Variants in SLC35F4 observed in about 807,000 individuals in gnomAD.
SLC35F4 encodes the protein solute carrier family 35 member F4, also known as chromosome 14 open reading frame 36.
Under a neutral mutation model 44.2 loss-of-function variants are expected in SLC35F4, and 24 were observed. The observed-to-expected ratio is 0.54, with a 90% CI of 0.39 to 0.76. SLC35F4 has a LOEUF of 0.76. SLC35F4 is among the 30% of genes least tolerant of loss of function. The pLI is 0.00. For missense variants in SLC35F4, 562 were observed against 586.1 expected (o/e 0.96, Z 0.42); for synonymous variants, 238 against 223.6 (o/e 1.06, Z -0.57).
chr14:57,892,129 G>A (rs1044558845), intron 1 of SLC35F4, among the ~76,000 whole-genome samples: 19 of 152,156 alleles, frequency 1.2e-4, no homozygotes, highest in Non-Finnish European at 4.4e-5. Flanking sequence ...TTTTAGAGGT[G>A]TTTCTCACAT....
chr14:57,849,225 A>T (rs1886321587), intron 1 of SLC35F4, among the ~76,000 whole-genome samples: 1 of 152,200 alleles, frequency 6.6e-6, no homozygotes, highest in African/African-American at 2.4e-5. Flanking sequence ...CAGTGGCATG[A>T]TCTCGAGCTC....
At chr14:57,714,726 T>C (rs1233339522) in intron 1 of SLC35F4, among the ~76,000 whole-genome samples, 3 of 152,172 alleles carry the variant, frequency 2.0e-5, no homozygotes, top group African/African-American at 7.2e-5. Context: ...CAGTGGGGAA[T>C]GTGACACCTA....
At chr14:57,976,509 A>C (rs1881223466), downstream of SLC35F4, among the ~76,000 whole-genome samples, 1 of 152,224 alleles carries the variant, frequency 6.6e-6, no homozygotes, top group Non-Finnish European at 1.5e-5. Flanking sequence ...AATCAGAAAC[A>C]ATGTCACATC....
chr14:57,832,888 G>C (rs753274912), intron 1 of SLC35F4, among the ~76,000 whole-genome samples: 1 of 152,132 alleles, frequency 6.6e-6, no homozygotes, highest in Admixed American at 6.5e-5. Flanking sequence ...AGAAAACGTG[G>C]TGAAATATTT....
At chr14:57,973,272 T>A (rs1183689130), downstream of SLC35F4, among the ~76,000 whole-genome samples, 2 of 152,186 alleles carry the variant, frequency 1.3e-5, no homozygotes, top group Non-Finnish European at 2.9e-5. Flanking sequence ...GAATAATTGG[T>A]CTTTATGTAA....
At chr14:57,642,835 C>T (rs1187416156) in intron 1 of SLC35F4, among the ~76,000 whole-genome samples, 1 of 151,882 alleles carries the variant, frequency 6.6e-6, no homozygotes, top group African/African-American at 2.4e-5. Flanking sequence ...AAAAAAATGT[C>T]AATTTAAATA....
At chr14:57,767,170 A>G (rs2077255211) in intron 1 of SLC35F4, among the ~76,000 whole-genome samples, 1 of 152,200 alleles carries the variant, frequency 6.6e-6, no homozygotes, top group South Asian at 2.1e-4. Flanking sequence ...TCACTAACTG[A>G]TAGAAGTACT....
intron 5 of SLC35F4, among the ~76,000 whole-genome samples, chr14:57,571,254 C>T (rs1175172092): frequency 1.3e-5 from 2 of 152,234 alleles, no homozygotes; most frequent in African/African-American, 4.8e-5. Flanking sequence ...AAGTCAGGTG[C>T]AATGACTCCG....
chr14:57,872,991 G>A (rs1787345563), intron 1 of SLC35F4, among the ~76,000 whole-genome samples: 2 of 152,164 alleles, frequency 1.3e-5, no homozygotes. Context: ...TTTTGAATGG[G>A]AAGCCAAGTG....
At chr14:57,934,614 G>T (rs547327806) in intron 1 of SLC35F4, among the ~76,000 whole-genome samples, 18 of 152,036 alleles carry the variant, frequency 1.2e-4, no homozygotes, top group Middle Eastern at 3.4e-3. Context: ...GGCCAGAAAG[G>T]CTGCATAGAG....
At chr14:57,833,641 C>T (rs1376636613) in intron 1 of SLC35F4, among the ~76,000 whole-genome samples, 1 of 152,210 alleles carries the variant, frequency 6.6e-6, no homozygotes, top group African/African-American at 2.4e-5. Context: ...CAGGAGGATA[C>T]ACCGGAGTTA....
At chr14:57,665,849 G>A (rs1265326203) in intron 1 of SLC35F4, among the ~76,000 whole-genome samples, 1 of 152,178 alleles carries the variant, frequency 6.6e-6, no homozygotes, top group Non-Finnish European at 1.5e-5. Context: ...GGAGCTGGCG[G>A]CCATTCTCCT....
At chr14:57,854,703 ACTCACTGG>A (rs1204550155) in intron 1 of SLC35F4, among the ~76,000 whole-genome samples, 3 of 152,238 alleles carry the variant, frequency 2.0e-5, no homozygotes, top group African/African-American at 7.2e-5. Context: ...CCATTCTGCC[ACTCACTGG>A]CTGTCGATTT....
At chr14:57,762,808 C>T (rs1312901209) in intron 1 of SLC35F4, among the ~76,000 whole-genome samples, 1 of 152,126 alleles carries the variant, frequency 6.6e-6, no homozygotes, top group Non-Finnish European at 1.5e-5. Flanking sequence ...TCACCAGATG[C>T]AGCCCCTTGA....
At chr14:57,741,586 T>C (rs977488554) in intron 1 of SLC35F4, among the ~76,000 whole-genome samples, 11 of 152,144 alleles carry the variant, frequency 7.2e-5, no homozygotes, top group African/African-American at 2.4e-4. Context: ...AATGAGACTA[T>C]GTAAAAAGAC....
At chr14:57,589,183 G>T in intron 3 of SLC35F4, 33 bp downstream of exon 3, 3 of 1,545,020 alleles carry the variant, frequency 1.9e-6, no homozygotes, top group South Asian at 1.3e-5. Context: ...ACATTTCAAT[G>T]ATCTCTTATT....
intron 1 of SLC35F4, among the ~76,000 whole-genome samples, chr14:57,696,490 A>G (rs2075386909): frequency 1.3e-5 from 2 of 152,242 alleles, no homozygotes; most frequent in East Asian, 1.9e-4. Context: ...TAGTTCAACC[A>G]TTGTGGAAGA....
At chr14:57,885,387 T>C (rs1888624909) in intron 1 of SLC35F4, among the ~76,000 whole-genome samples, 1 of 152,188 alleles carries the variant, frequency 6.6e-6, no homozygotes, top group South Asian at 2.1e-4. Flanking sequence ...ACAGAATAAG[T>C]GCAGCGCAAG....
intron 1 of SLC35F4, among the ~76,000 whole-genome samples, chr14:57,875,912 C>CT (rs1454168172): frequency 1.3e-5 from 2 of 152,176 alleles, no homozygotes; most frequent in African/African-American, 4.8e-5. Flanking sequence ...TGAGAATGTC[C>CT]TTTCTGCAGA....
Sources: gnomAD v4.1 joint callset for allele counts (sites outside exome capture counted in the v4.1 genomes callset) on GRCh38, gnomAD v4.1.1 for gene constraint, MANE v1.5 for transcripts, NCBI Gene and HGNC (gene_info 2026-07-23, HGNC 2026-07-21) for gene names.